EIF3H: variants seen among roughly 807,000 people sequenced by gnomAD.
EIF3H encodes the protein eIF-3-gamma.
In EIF3H, 26 loss-of-function variants were observed where a neutral mutation model predicts 44.2. The ratio of observed to expected loss-of-function variants is 0.59; its 90% CI spans 0.43 to 0.82. The LOEUF (loss-of-function observed/expected upper bound fraction) is 0.82, where lower values mean the gene tolerates loss of function less well. Among genes scored for constraint, EIF3H ranks in the 40% least tolerant of loss-of-function variants. The probability of loss-of-function intolerance (pLI) is 0.00; values close to 1 mark genes in which losing one functional copy is unlikely to be tolerated. For synonymous variants in EIF3H, 166 were observed against 151.9 expected (o/e 1.09, Z -0.68); for missense variants, 359 against 432.8 (o/e 0.83, Z 1.51).
At chr8:116,680,871 T>C (rs987811317) in intron 2 of EIF3H, among the ~76,000 whole-genome samples, 1 of 149,368 alleles carries the variant, frequency 6.7e-6, no homozygotes, top group African/African-American at 2.5e-5. Flanking sequence ...GTTAGCAAAA[T>C]GTCAAAGATC....
intron 2 of EIF3H, among the ~76,000 whole-genome samples, chr8:116,710,861 T>C (rs1814562715): frequency 6.6e-6 from 1 of 152,218 alleles, no homozygotes; most frequent in African/African-American, 2.4e-5. Context: ...TGATTCTCTT[T>C]GTAAACATGA....
intron 2 of EIF3H, among the ~76,000 whole-genome samples, chr8:116,666,475 T>G (rs1293216053): frequency 6.6e-6 from 1 of 152,084 alleles, no homozygotes; most frequent in East Asian, 1.9e-4. Flanking sequence ...AATAAAACCA[T>G]GAGATCTTAT....
intron 2 of EIF3H, among the ~76,000 whole-genome samples, chr8:116,712,561 G>A (rs1371346192): frequency 6.6e-6 from 1 of 152,158 alleles, no homozygotes; most frequent in Non-Finnish European, 1.5e-5. Flanking sequence ...AATGTACTGA[G>A]TAAAAATTAC....
At chr8:116,701,161 A>T (rs1203972045) in intron 2 of EIF3H, among the ~76,000 whole-genome samples, 1 of 152,200 alleles carries the variant, frequency 6.6e-6, no homozygotes, top group African/African-American at 2.4e-5. Context: ...ATATTGTTCT[A>T]TACCTACAGG....
intron 2 of EIF3H, among the ~76,000 whole-genome samples, chr8:116,695,550 C>T (rs1814255504): frequency 6.6e-6 from 1 of 152,102 alleles, no homozygotes; most frequent in African/African-American, 2.4e-5. Flanking sequence ...CTAGACCATG[C>T]AAGAAAGGAA....
At chr8:116,732,116 G>C (rs553158609) in intron 1 of EIF3H, among the ~76,000 whole-genome samples, 1 of 152,196 alleles carries the variant, frequency 6.6e-6, no homozygotes, top group South Asian at 2.1e-4. Context: ...GCAGGGAACA[G>C]TTTTCTACTA....
chr8:116,651,542 CTT>C (rs1813394092), intron 5 of EIF3H, among the ~76,000 whole-genome samples: 1 of 152,170 alleles, frequency 6.6e-6, no homozygotes, highest in Non-Finnish European at 1.5e-5. Context: ...GTAAATTTAT[CTT>C]TTAATCCCAG....
chr8:116,656,042 C>T, intron 4 of EIF3H, 37 bp from the exon 5 acceptor site: 1 of 1,599,568 alleles, frequency 6.3e-7, no homozygotes, highest in African/African-American at 1.3e-5. Context: ...GTCTGATGGT[C>T]AAAAGTAAGT....
intron 2 of EIF3H, among the ~76,000 whole-genome samples, chr8:116,680,974 A>T (rs756370121): frequency 0.012 from 702 of 56,864 alleles, 7 homozygotes; most frequent in African/African-American, 0.11. Flanking sequence ...TTTATAAATT[A>T]AAAAAAAAAA....
At chr8:116,718,177 C>A (rs937465148) in intron 2 of EIF3H, among the ~76,000 whole-genome samples, 2 of 151,904 alleles carry the variant, frequency 1.3e-5, no homozygotes, top group East Asian at 3.9e-4. Flanking sequence ...CAATGCAATA[C>A]CACCTTACTC....
In EIF3H at chr8:116,755,768, A is replaced by G. The variant is rs573224531; in HGVS notation, c.30T>C (p.Ser10=). 6.2e-7 allele frequency: 1 copy of G among 1,614,098 alleles called. No homozygotes were observed. Among genetic ancestry groups the G allele is most frequent in the East Asian group, 2.2e-5 (1 of 44,866 alleles). ...CGGTGGAGCTGGAAGAGGTGGCAGT[A>G]GAGCCGGTACCTTCCTTGCGGGACG... is the stretch of plus-strand genomic sequence containing the variant. MASRKEGTG[S]TATSSSSTAG... The change falls in exon 1 of 8, where the codon TCT becomes TCC. Residue 10 remains serine (S), a synonymous_variant. Coordinates refer to ENST00000521861, the MANE Select transcript of EIF3H (RefSeq NM_003756.3).
At chr8:116,652,908 A>G (rs1175717356) in intron 5 of EIF3H, among the ~76,000 whole-genome samples, 1 of 152,220 alleles carries the variant, frequency 6.6e-6, no homozygotes, top group Non-Finnish European at 1.5e-5. Flanking sequence ...TTTACCAGTG[A>G]GCAACCTGAA....
rs1813260614 is a variant in EIF3H at position 116,643,991 on chromosome 8, T to C, written c.*1015A>G. ...CTAATTCCTCATTCACAACACTTGC[T>C]GTTAGCAGAATTATACTTCATGGTT... On this transcript the variant is annotated 3_prime_UTR_variant, in exon 8 of 8. Transcript: ENST00000521861. 6.6e-6 allele frequency: 1 copy of C among 152,272 alleles called. No individual in the cohort carries two copies. The highest frequency in any genetic ancestry group is 6.5e-5 in the Admixed American group (1 of 15,292). The allele number at this position is 152,272 out of a possible 1,614,324, so 9.4% of individuals were successfully genotyped here. A position where few individuals can be genotyped will look rare whatever the true frequency, so the allele number is the denominator to read the frequency against.
intron 2 of EIF3H, among the ~76,000 whole-genome samples, chr8:116,675,494 C>G (rs1813834512): frequency 6.6e-6 from 1 of 152,236 alleles, no homozygotes; most frequent in Non-Finnish European, 1.5e-5. Flanking sequence ...CGCACACACA[C>G]CTCTTCCCAA....
At chr8:116,669,459 G>C (rs976886985) in intron 2 of EIF3H, among the ~76,000 whole-genome samples, 1 of 152,106 alleles carries the variant, frequency 6.6e-6, no homozygotes, top group Non-Finnish European at 1.5e-5. Context: ...AAAGAGGAGT[G>C]AGCAGTAATG....
chr8:116,671,179 CTA>C (rs1227315475), intron 2 of EIF3H, among the ~76,000 whole-genome samples: 1 of 152,152 alleles, frequency 6.6e-6, no homozygotes, highest in African/African-American at 2.4e-5. Context: ...TAGGGAAGGA[CTA>C]TCTTTGTTTT....
At chr8:116,647,873 C>T (rs1529945) in intron 6 of EIF3H, among the ~76,000 whole-genome samples, 129,489 of 152,018 alleles carry the variant, frequency 0.85, 55,315 homozygotes, top group Non-Finnish European at 0.89. Flanking sequence ...GCTGAGATGA[C>T]TTTTTTCCCC....
At chr8:116,741,731 T>C (rs1815136674) in intron 1 of EIF3H, among the ~76,000 whole-genome samples, 1 of 152,250 alleles carries the variant, frequency 6.6e-6, no homozygotes, top group Admixed American at 6.5e-5. Context: ...TCAAAGAAAC[T>C]GTAATGCTGT....
chr8:116,691,517 G>A (rs1442140315), intron 2 of EIF3H, among the ~76,000 whole-genome samples: 2 of 150,784 alleles, frequency 1.3e-5, no homozygotes, highest in African/African-American at 4.9e-5. Flanking sequence ...TCTAAATTTT[G>A]CCTCAAAATA....
Sources: allele counts gnomAD v4.1 joint callset (sites outside exome capture counted in the v4.1 genomes callset), GRCh38; gene constraint gnomAD v4.1.1; transcripts MANE v1.5; gene names NCBI Gene and HGNC (gene_info 2026-07-23, HGNC 2026-07-21).